The following ZSWIM5 variants were observed in gnomAD, a reference collection of about 807,000 sequenced individuals.
ZSWIM5 encodes zinc finger SWIM-type containing 5, also known as zinc finger SWIM domain-containing protein 5.
Under a neutral mutation model 119.6 loss-of-function variants are expected in ZSWIM5, and 55 were observed. That is an observed-to-expected ratio of 0.46 (90% CI 0.37 to 0.58). ZSWIM5 has a LOEUF of 0.58. ZSWIM5 is among the 20% of genes least tolerant of loss of function. ZSWIM5 has a pLI of 0.00. For missense variants in ZSWIM5, 1,193 were observed against 1,512.8 expected, an observed-to-expected ratio of 0.79 and a Z score of 3.51; for synonymous variants, 537 against 606.9, an observed-to-expected ratio of 0.88 and a Z score of 1.69.
At chr1:45,199,746 T>C (rs898467737) in intron 1 of ZSWIM5, among the ~76,000 whole-genome samples, 2 of 152,220 alleles carry the variant, frequency 1.3e-5, no homozygotes, top group Admixed American at 6.5e-5. Context: ...AAATATTCAC[T>C]GTTTATAACT....
chr1:45,166,897 C>T (rs1319007136), intron 1 of ZSWIM5, among the ~76,000 whole-genome samples: 1 of 152,004 alleles, frequency 6.6e-6, no homozygotes, highest in Non-Finnish European at 1.5e-5. Flanking sequence ...CCATACTGCC[C>T]AAGGTAATTT....
At chr1:45,089,289 A>G (rs1343226086) in intron 1 of ZSWIM5, among the ~76,000 whole-genome samples, 1 of 152,146 alleles carries the variant, frequency 6.6e-6, no homozygotes, top group Non-Finnish European at 1.5e-5. Context: ...GCTATTCTTT[A>G]CTTTAAATAT....
chr1:45,114,226 G>T (rs1254577646), intron 1 of ZSWIM5, among the ~76,000 whole-genome samples: 1 of 152,102 alleles, frequency 6.6e-6, no homozygotes, highest in Non-Finnish European at 1.5e-5. Context: ...GATCATTCAT[G>T]GGGGAAAAAA....
chr1:45,070,150 A>G, intron 2 of ZSWIM5: 2 of 1,200,862 alleles, frequency 1.7e-6, no homozygotes, highest in South Asian at 1.2e-5. Context: ...CCCACTGTAA[A>G]CAGGAAGCTG....
At chr1:45,180,867 G>A (rs1646013396) in intron 1 of ZSWIM5, among the ~76,000 whole-genome samples, 1 of 152,120 alleles carries the variant, frequency 6.6e-6, no homozygotes, top group South Asian at 2.1e-4. Flanking sequence ...ACCTGCAGCT[G>A]AGGGTCCTGT....
chr1:45,107,423 G>A (rs1170029259), intron 1 of ZSWIM5, among the ~76,000 whole-genome samples: 1 of 151,906 alleles, frequency 6.6e-6, no homozygotes, highest in Non-Finnish European at 1.5e-5. Context: ...TGGATCATGA[G>A]GTCAGGTGAT....
chr1:45,153,979 G>C (rs346721), intron 1 of ZSWIM5, among the ~76,000 whole-genome samples: 24,283 of 152,008 alleles, frequency 0.16, 2,024 homozygotes, highest in African/African-American at 0.18. Flanking sequence ...ATCAAATCAA[G>C]AACTCAGCCG....
intron 11 of ZSWIM5, among the ~76,000 whole-genome samples, chr1:45,028,847 C>T (rs530178444): frequency 6.6e-6 from 1 of 152,150 alleles, no homozygotes; most frequent in African/African-American, 2.4e-5. Flanking sequence ...TTTTGGGAGC[C>T]CAAGGTGGGA....
At chr1:45,112,360 T>C (rs974561402) in intron 1 of ZSWIM5, among the ~76,000 whole-genome samples, 1 of 152,238 alleles carries the variant, frequency 6.6e-6, no homozygotes, top group Non-Finnish European at 1.5e-5. Context: ...ATAACTTGTC[T>C]GTACCTGAAG....
At chr1:45,141,503 C>T (rs1289858285) in intron 1 of ZSWIM5, among the ~76,000 whole-genome samples, 1 of 152,150 alleles carries the variant, frequency 6.6e-6, no homozygotes, top group Non-Finnish European at 1.5e-5. Flanking sequence ...ACAGAAGTGA[C>T]ATTCATTGGA....
chr1:45,196,034 G>GTTTTTTTTTTTTTTTT (rs34236930), intron 1 of ZSWIM5, among the ~76,000 whole-genome samples: 1 of 103,910 alleles, frequency 9.6e-6, no homozygotes, highest in African/African-American at 3.6e-5. Context: ...CACCCAGCTA[G>GTTTTTTTTTTTTTTTT]TTTTTTTTTT....
rs1179444442 is a variant in ZSWIM5, at chr1:45,020,730, G to A, written c.2508C>T (p.Ser836=). Residue 836 remains serine, a synonymous_variant, in exon 12 of 14, where the codon TCC becomes TCT. Transcript: ENST00000359600. The part of the protein sequence containing the change: ...LEAIQKHIHS[S]SLIFKLAQDA... ...CTTGGGCCAGTTTGAAGATGAGGGA[G>A]GAAGAATGAATGTGCTTCTGTATTG... 1.9e-6 allele frequency: 3 copies of A among 1,614,108 alleles called. No individual in the cohort carries two copies. The highest frequency in any genetic ancestry group is 2.5e-6 in the Non-Finnish European group (3 of 1,180,010).
At chr1:45,081,502 G>A (rs1570071823) in intron 2 of ZSWIM5, among the ~76,000 whole-genome samples, 1 of 152,164 alleles carries the variant, frequency 6.6e-6, no homozygotes, top group South Asian at 2.1e-4. Flanking sequence ...TGGTGGAGAC[G>A]GGGTTTCGCT....
chr1:45,173,007 T>TA (rs1427019570), intron 1 of ZSWIM5, among the ~76,000 whole-genome samples: 1 of 151,594 alleles, frequency 6.6e-6, no homozygotes, highest in East Asian at 1.9e-4. Context: ...CTACAAAAAA[T>TA]AAAAAAAATT....
intron 8 of ZSWIM5, among the ~76,000 whole-genome samples, chr1:45,038,128 CTCTA>C (rs1244548846): frequency 2.0e-5 from 3 of 152,140 alleles, no homozygotes; most frequent in African/African-American, 4.8e-5. Flanking sequence ...TCAATTTTGT[CTCTA>C]TCTATTCTTG....
intron 1 of ZSWIM5, among the ~76,000 whole-genome samples, chr1:45,147,246 A>G (rs532182910): frequency 4.8e-4 from 73 of 152,144 alleles, no homozygotes; most frequent in African/African-American, 1.7e-3. Flanking sequence ...GGCTAGCACT[A>G]TCAACTTTTA....
Position 45,036,106 on chromosome 1 carries a change from G to A in ZSWIM5, c.2088C>T (p.Leu696=). 6.2e-7 allele frequency: 1 copy of A among 1,614,094 alleles called. No individual in the cohort carries two copies. The highest frequency in any genetic ancestry group is 1.1e-5 in the South Asian group (1 of 91,080). The change falls in exon 9 of 14, where the codon CTC becomes CTT. Residue 696 remains leucine (L), a synonymous_variant. Transcript: ENST00000359600. Reference sequence around the variant, plus strand: ...GCTCATCGTCCAGCTGCAGCTCTTGGAGTTGGCTCAGGAGCTGCTCCTCAT... The same window carrying A: ...GCTCATCGTCCAGCTGCAGCTCTTGAAGTTGGCTCAGGAGCTGCTCCTCAT... ...CRNEEQLLSQ[L]QELQLDDELV... is the part of the protein sequence containing the mutation.
At chr1:45,073,525 A>T (rs553718375) in intron 2 of ZSWIM5, among the ~76,000 whole-genome samples, 7 of 151,474 alleles carry the variant, frequency 4.6e-5, no homozygotes, top group African/African-American at 1.7e-4. Context: ...TCCCAAAGTG[A>T]TGGGATTACA....
rs1644857861 is a variant in ZSWIM5 at position 45,017,010 on chromosome 1, CAG to C, written c.*1442_*1443del. The C allele has an allele frequency of 6.6e-6, 1 of 152,370 alleles. No homozygotes were observed. The highest frequency in any genetic ancestry group is 1.5e-5 in the Non-Finnish European group (1 of 68,120). The allele number at this position is 152,370 out of a possible 1,614,324, so 9.4% of individuals were successfully genotyped here. On this transcript the variant is annotated 3_prime_UTR_variant, in exon 14 of 14. Transcript: ENST00000359600. ...GGCGAGGAAGCTTGAGGTAGAAAGG[CAG>C]GGGAAGAAAGCAAGTATGAGGCGAG...
Sources: allele counts gnomAD v4.1 joint callset (sites outside exome capture counted in the v4.1 genomes callset), GRCh38; gene constraint gnomAD v4.1.1; transcripts MANE v1.5; gene names NCBI Gene and HGNC (gene_info 2026-07-23, HGNC 2026-07-21).